CLVS1: variants seen among roughly 807,000 people sequenced by gnomAD.
CLVS1 encodes clavesin-1.
In CLVS1, 10 loss-of-function variants were observed where a neutral mutation model predicts 33.1. That is an observed-to-expected ratio of 0.30 (90% CI 0.19 to 0.51). The LOEUF (loss-of-function observed/expected upper bound fraction) is 0.51. Ranked by LOEUF, CLVS1 falls within the 20% of genes least tolerant of loss-of-function variation. The pLI, the probability that CLVS1 is intolerant of heterozygous loss-of-function variation, is 0.97. For synonymous variants in CLVS1, 163 were observed against 166.1 expected, an observed-to-expected ratio of 0.98 and a Z score of 0.14; for missense variants, 343 against 433.4, an observed-to-expected ratio of 0.79 and a Z score of 1.85.
chr8:61,328,217 T>C (rs1811455771), intron 2 of CLVS1, among the ~76,000 whole-genome samples: 2 of 152,164 alleles, frequency 1.3e-5, no homozygotes, highest in Admixed American at 6.5e-5. Flanking sequence ...AGGCCATGCT[T>C]TTGCTGCCTT....
chr8:61,387,030 T>C (rs1055822436), intron 3 of CLVS1, among the ~76,000 whole-genome samples: 1 of 152,238 alleles, frequency 6.6e-6, no homozygotes, highest in Non-Finnish European at 1.5e-5. Flanking sequence ...GAAAGTGTAC[T>C]TTGTTTGAAT....
At chr8:61,049,343 T>C in the CLVS1 span, among the ~76,000 whole-genome samples, 5 of 152,226 alleles carry the variant, frequency 3.3e-5, no homozygotes, top group Admixed American at 3.3e-4. Flanking sequence ...CAAATCATTT[T>C]TTTCTCCATT....
chr8:61,055,586 C>G (rs1366799594), upstream of CLVS1, among the ~76,000 whole-genome samples: 4 of 152,140 alleles, frequency 2.6e-5, no homozygotes, highest in Admixed American at 2.6e-4. Context: ...TTTCCCAAGC[C>G]CTTTCCATAT....
At chr8:61,110,370 G>T (rs894098878) in intron 1 of CLVS1, among the ~76,000 whole-genome samples, 1 of 151,982 alleles carries the variant, frequency 6.6e-6, no homozygotes, top group East Asian at 1.9e-4. Flanking sequence ...TTTTGAGACG[G>T]CTTCCTCAAT....
chr8:61,023,082 G>C, the CLVS1 span, among the ~76,000 whole-genome samples: 2 of 152,278 alleles, frequency 1.3e-5, no homozygotes, highest in African/African-American at 4.8e-5. Context: ...ACTTTCATCA[G>C]TTAAAAAATT....
intron 2 of CLVS1, among the ~76,000 whole-genome samples, chr8:61,211,676 G>A (rs1226571317): frequency 6.6e-6 from 1 of 152,164 alleles, no homozygotes; most frequent in Non-Finnish European, 1.5e-5. Flanking sequence ...CAGAATTATG[G>A]CCCCCCAAAG....
At chr8:61,242,626 C>A (rs557583138) in intron 2 of CLVS1, among the ~76,000 whole-genome samples, 9 of 151,954 alleles carry the variant, frequency 5.9e-5, no homozygotes, top group African/African-American at 2.2e-4. Context: ...CTCATCTCTA[C>A]AAAAAATAAA....
At chr8:61,092,896 A>G (rs928400401) in intron 1 of CLVS1, among the ~76,000 whole-genome samples, 6 of 152,184 alleles carry the variant, frequency 3.9e-5, no homozygotes, top group Non-Finnish European at 7.4e-5. Context: ...CCCAAGTGGT[A>G]TCACTGGGAT....
chr8:61,346,324 A>G (rs1812218163), intron 2 of CLVS1, among the ~76,000 whole-genome samples: 1 of 152,142 alleles, frequency 6.6e-6, no homozygotes, highest in Non-Finnish European at 1.5e-5. Flanking sequence ...AGACATTTGC[A>G]CAGACTCTTC....
chr8:61,163,760 G>T (rs569077716), intron 2 of CLVS1, among the ~76,000 whole-genome samples: 1 of 152,344 alleles, frequency 6.6e-6, no homozygotes, highest in South Asian at 2.1e-4. Flanking sequence ...ACTTAGCCTT[G>T]CAGGAACAAT....
At chr8:61,013,190 C>T in the CLVS1 span, among the ~76,000 whole-genome samples, 1 of 152,122 alleles carries the variant, frequency 6.6e-6, no homozygotes, top group Non-Finnish European at 1.5e-5. Context: ...GGTCCACATC[C>T]TGACCCTCCC....
the CLVS1 span, among the ~76,000 whole-genome samples, chr8:60,977,566 G>A: frequency 1.3e-5 from 2 of 152,124 alleles, no homozygotes; most frequent in East Asian, 1.9e-4. Flanking sequence ...CTCACCAGAG[G>A]TGCTCAACGG....
intron 1 of CLVS1, among the ~76,000 whole-genome samples, chr8:61,096,405 A>G (rs1428869708): frequency 6.6e-6 from 1 of 152,244 alleles, no homozygotes; most frequent in African/African-American, 2.4e-5. Flanking sequence ...ATATGATTCT[A>G]AAAATCAGGA....
At chr8:61,302,171 TGGAAA>T (rs1199391105) in intron 2 of CLVS1, among the ~76,000 whole-genome samples, 3 of 152,208 alleles carry the variant, frequency 2.0e-5, no homozygotes, top group African/African-American at 7.2e-5. Context: ...TGTCTAATCT[TGGAAA>T]GGTATTTGCA....
intron 3 of CLVS1, among the ~76,000 whole-genome samples, chr8:61,410,414 G>T (rs1377643340): frequency 6.6e-6 from 1 of 152,094 alleles, no homozygotes; most frequent in Non-Finnish European, 1.5e-5. Flanking sequence ...TTAAAAATAA[G>T]TTGTAACATC....
At chr8:61,323,625 G>C (rs573468900) in intron 2 of CLVS1, among the ~76,000 whole-genome samples, 1 of 151,872 alleles carries the variant, frequency 6.6e-6, no homozygotes, top group South Asian at 2.1e-4. Flanking sequence ...GGCTTCTCTG[G>C]TGCAGTGTCT....
chr8:61,256,615 TA>T (rs1287303512), intron 2 of CLVS1, among the ~76,000 whole-genome samples: 1 of 151,200 alleles, frequency 6.6e-6, no homozygotes, highest in African/African-American at 2.4e-5. Flanking sequence ...AATATTATTT[TA>T]AAAACTAACC....
At chr8:61,457,994 G>A (rs1817229240) in intron 4 of CLVS1, among the ~76,000 whole-genome samples, 1 of 152,232 alleles carries the variant, frequency 6.6e-6, no homozygotes. Flanking sequence ...GTTTCAGGTG[G>A]TCTGCACCAT....
At chr8:61,331,817 C>G (rs1360881041) in intron 2 of CLVS1, among the ~76,000 whole-genome samples, 2 of 147,744 alleles carry the variant, frequency 1.4e-5, no homozygotes, top group Non-Finnish European at 3.0e-5. Flanking sequence ...CCTCCTCCTC[C>G]TCCTCTTCCT....
Sources: allele counts gnomAD v4.1 joint callset (sites outside exome capture counted in the v4.1 genomes callset), GRCh38; gene constraint gnomAD v4.1.1; transcripts MANE v1.5; gene names NCBI Gene and HGNC (gene_info 2026-07-23, HGNC 2026-07-21).